ZSCAN23: variants seen among roughly 807,000 people sequenced by gnomAD.
ZSCAN23 encodes the protein zinc finger and SCAN domain-containing protein 23.
ZSCAN23 carries 19 observed loss-of-function variants against 19.3 expected under a neutral mutation model. That is an observed-to-expected ratio of 0.99 (90% CI 0.69 to 1.45). The LOEUF (loss-of-function observed/expected upper bound fraction) is 1.45, where lower values mean the gene tolerates loss of function less well. ZSCAN23 is among the 40% of genes most tolerant of loss of function. ZSCAN23 has a pLI of 0.00. For missense variants in ZSCAN23, 372 were observed against 462.5 expected, an observed-to-expected ratio of 0.80 and a Z score of 1.79; for synonymous variants, 140 against 166.2, an observed-to-expected ratio of 0.84 and a Z score of 1.21.
Position 28,434,652 on chromosome 6 carries a change from G to A in ZSCAN23, c.983C>T (p.Thr328Ile), listed in dbSNP as rs1416918225. 1 of 1,566,616 alleles carries A rather than the reference G, an allele frequency of 6.4e-7. No homozygotes were observed. Among genetic ancestry groups the A allele is most frequent in the Admixed American group, 1.9e-5 (1 of 52,196 alleles). ...ATTGCACTGGTAAGGCTTCTCCCCA[G>A]TGTGAATTCTGAGGTGATGGAAAAG... is the stretch of plus-strand genomic sequence containing the variant. ...AGLFHHLRIH[T>I]GEKPYQCNQC... Residue 328 changes from threonine (T) to isoleucine (I), a missense_variant, in exon 4 of 4, where the codon ACT (threonine) becomes ATT (isoleucine). Coordinates refer to ENST00000289788, the MANE Select transcript of ZSCAN23 (RefSeq NM_001012455.2).
At chr6:28,440,608 T>A (rs1408614040) in intron 1 of ZSCAN23, among the ~76,000 whole-genome samples, 3 of 152,192 alleles carry the variant, frequency 2.0e-5, no homozygotes, top group Admixed American at 6.5e-5. Context: ...CAGCCACTTA[T>A]GCTTTCTTGT....
Position 28,435,596 on chromosome 6 carries a change from A to G in ZSCAN23, c.420T>C (p.His140=). The change falls in exon 3 of 4, where the codon CAT becomes CAC. Residue 140 remains histidine, a synonymous_variant. Transcript: ENST00000289788. ...TTACAAACTCTTCCTGTTCATGAGC[A>G]TGGCTCAGGACCTGGTGGAAATCAA... ...LDDPGEQVLS[H]AHEQEEFVKE... is the part of the protein sequence containing the mutation. 2.6e-6 allele frequency: 4 copies of G among 1,551,498 alleles called. No individual in the cohort carries two copies. The highest frequency in any genetic ancestry group is 2.6e-6 in the Non-Finnish European group (3 of 1,146,914).
intron 1 of ZSCAN23, among the ~76,000 whole-genome samples, chr6:28,440,713 CAGCTGA>C (rs576728039): frequency 5.3e-4 from 80 of 152,334 alleles, no homozygotes; most frequent in Admixed American, 2.3e-3. Context: ...AAAGGCAATG[CAGCTGA>C]AGCTTAGAGC....
intron 1 of ZSCAN23, among the ~76,000 whole-genome samples, chr6:28,438,880 A>T (rs1761945341): frequency 6.6e-6 from 1 of 152,194 alleles, no homozygotes. Context: ...TTACAACCCG[A>T]AGAAAAATTA....
At chr6:28,426,791 T>G in the ZSCAN23 span, among the ~76,000 whole-genome samples, 9 of 152,214 alleles carry the variant, frequency 5.9e-5, no homozygotes, top group African/African-American at 1.2e-4. Flanking sequence ...TGCCAAGAAT[T>G]GTGCTAGATG....
rs147994973 is a variant in ZSCAN23 at position 28,441,480 on chromosome 6, T to C, written c.-78+1919A>G. Among the ~76,000 whole-genome samples, 1,183 of 152,220 alleles carry C rather than the reference T, an allele frequency of 7.8e-3. 8 individuals are homozygous for C. Among genetic ancestry groups the C allele is most frequent in the Middle Eastern group, 0.017 (5 of 294 alleles). The stretch of plus-strand genomic sequence containing the variant: ...TCCCTTATTCGAACCTTACCCAATC[T>C]CTGCAGCTTGATTCAAATCTCACAT... On this transcript the variant is annotated intron_variant, in intron 1 of 3. Transcript: ENST00000289788.
Position 28,433,366 on chromosome 6 carries a change from C to T in ZSCAN23, c.*1099G>A, listed in dbSNP as rs944471737. ...CAGAACTTCCTTTTCTCTTATCTGT[C>T]AAATAAGAGCAAGCAGAAGTGATCT... On this transcript the variant is annotated 3_prime_UTR_variant, in exon 4 of 4. Transcript: ENST00000289788. 6.6e-6 allele frequency: 1 copy of T among 151,988 alleles called. No homozygotes were observed. The highest frequency in any genetic ancestry group is 2.4e-5 in the African/African-American group (1 of 41,376). 9.4% of individuals were successfully genotyped at this position (151,988 alleles called of 1,614,324 possible). A position where few individuals can be genotyped will look rare whatever the true frequency, so the allele number is the denominator to read the frequency against.
At chr6:28,431,582 A>G (rs553953298), downstream of ZSCAN23, among the ~76,000 whole-genome samples, 3 of 152,366 alleles carry the variant, frequency 2.0e-5, no homozygotes, top group Admixed American at 6.5e-5. Flanking sequence ...TAGTGCAGCT[A>G]TCATCAAGAA....
downstream of ZSCAN23, among the ~76,000 whole-genome samples, chr6:28,428,987 T>C (rs1450296469): frequency 6.6e-6 from 1 of 152,206 alleles, no homozygotes; most frequent in African/African-American, 2.4e-5. Context: ...CCACTCTTGT[T>C]GCCCAGGCTG....
At chr6:28,422,613 C>A in the ZSCAN23 span, among the ~76,000 whole-genome samples, 1 of 152,040 alleles carries the variant, frequency 6.6e-6, no homozygotes, top group Non-Finnish European at 1.5e-5. This position sits in a 1 kb window ranked among gnomAD's most constrained non-coding sequence, Gnocchi z 4.0. Flanking sequence ...AAAACATTCT[C>A]CTGTCTTTGC....
At chr6:28,435,212 C>G in intron 3 of ZSCAN23, 134 bp from the exon 4 acceptor site, 1 of 1,161,808 alleles carries the variant, frequency 8.6e-7, no homozygotes, top group South Asian at 1.7e-5. Context: ...GTTTATTTTT[C>G]CACTCTAAAG....
chr6:28,434,796 T>G lies in ZSCAN23; in HGVS notation c.839A>C (p.Asp280Ala), dbSNP rs1260347418. Residue 280 changes from aspartate to alanine, a missense_variant, in exon 4 of 4, where the codon GAT becomes GCT. Transcript: ENST00000289788. ...CTGGCTGAAGGCCCGCCCACACTCA[T>G]CACATTCATAAGGCTTCTCACCTGT... ...THTGEKPYECDECGRAFSQRS... is the reference protein window; with the variant it reads ...THTGEKPYECAECGRAFSQRS... 3 of 1,600,554 alleles carry G rather than the reference T, an allele frequency of 1.9e-6. No homozygotes were observed. Among genetic ancestry groups the G allele is most frequent in the Non-Finnish European group, 2.6e-6 (3 of 1,173,380 alleles).
In ZSCAN23 at chr6:28,435,839, C is replaced by G; in HGVS notation, c.408+20G>C. 3 of 1,549,108 alleles carry G rather than the reference C, an allele frequency of 1.9e-6. No homozygotes were observed. The highest frequency in any genetic ancestry group is 2.6e-6 in the Non-Finnish European group (3 of 1,152,440). On this transcript the variant is annotated intron_variant, in intron 2 of 3. Transcript: ENST00000289788. Reference sequence around the variant, plus strand: ...TACTTGTTCTTATAGGTACAAATCCCTGTTCTCCCATCTTCTCACCTGCTC... The same window carrying G: ...TACTTGTTCTTATAGGTACAAATCCGTGTTCTCCCATCTTCTCACCTGCTC...
chr6:28,435,071 C>A lies in ZSCAN23; in HGVS notation c.564G>T (p.Lys188Asn). 3.9e-6 allele frequency: 6 copies of A among 1,528,792 alleles called. No individual in the cohort carries two copies. Among genetic ancestry groups the A allele is most frequent in the African/African-American group, 1.4e-5 (1 of 71,910 alleles). The allele number at this position is 1,528,792 out of a possible 1,614,324, so 94.7% of individuals were successfully genotyped here. A position where few individuals can be genotyped will look rare whatever the true frequency, so the allele number is the denominator to read the frequency against. The change falls in exon 4 of 4, where the codon AAG becomes AAT. Residue 188 changes from lysine (K) to asparagine (N), a missense_variant. By Grantham distance (94) the Lys-to-Asn change is moderately conservative. Coordinates refer to ENST00000289788, the MANE Select transcript of ZSCAN23 (RefSeq NM_001012455.2). The stretch of plus-strand genomic sequence containing the variant: ...CTAACTCCACATTCCAAGTCCCAGC[C>A]TTGCCATCTAAAATAACGATAACAT... Reference protein sequence around the residue: ...EVCPVQEIDGKAGTWNVELAP... With the variant: ...EVCPVQEIDGNAGTWNVELAP...
intron 1 of ZSCAN23, among the ~76,000 whole-genome samples, 161 bp downstream of exon 1, chr6:28,443,238 A>C (rs549239409): frequency 6.6e-6 from 1 of 152,306 alleles, no homozygotes; most frequent in East Asian, 1.9e-4. Flanking sequence ...TGGTTAACAA[A>C]GCCCTTCCAG....
intron 1 of ZSCAN23, among the ~76,000 whole-genome samples, chr6:28,440,165 G>A (rs2114040189): frequency 6.6e-6 from 1 of 152,304 alleles, no homozygotes; most frequent in Non-Finnish European, 1.5e-5. Context: ...TTGCAGGTGG[G>A]AACACACCTG....
rs972940090 is a variant in ZSCAN23 at position 28,436,360 on chromosome 6, G to A, written c.-77-17C>T. 2.8e-5 allele frequency: 37 copies of A among 1,304,106 alleles called. No individual in the cohort carries two copies. The highest frequency in any genetic ancestry group is 6.0e-5 in the African/African-American group (4 of 66,964). 80.8% of individuals were successfully genotyped at this position (1,304,106 alleles called of 1,614,324 possible). ...CCCCGAGATCTAGACAATAATTTAC[G>A]AAGAAAAAAATATAAAAATGCAGAA... On this transcript the variant is annotated splice_polypyrimidine_tract_variant and intron_variant, in intron 1 of 3. Coordinates refer to ENST00000289788, the MANE Select transcript of ZSCAN23 (RefSeq NM_001012455.2).
At chr6:28,435,746 A>G in intron 2 of ZSCAN23, 113 bp downstream of exon 2, 1 of 1,425,566 alleles carries the variant, frequency 7.0e-7, no homozygotes, top group African/African-American at 1.4e-5. Context: ...AAAAGCCTAC[A>G]GAAGATCAAG....
intron 1 of ZSCAN23, among the ~76,000 whole-genome samples, chr6:28,441,627 C>T (rs1762003662): frequency 6.6e-6 from 1 of 152,046 alleles, no homozygotes; most frequent in South Asian, 2.1e-4. Context: ...ACCATTACTT[C>T]TCTTCAGAAC....
Sources: allele counts gnomAD v4.1 joint callset (sites outside exome capture counted in the v4.1 genomes callset), GRCh38; gene constraint gnomAD v4.1.1; non-coding constraint Gnocchi (gnomAD v3.1); transcripts MANE v1.5; gene names NCBI Gene and HGNC (gene_info 2026-07-23, HGNC 2026-07-21).